NTRK3: variants seen among roughly 807,000 people sequenced by gnomAD.
The protein encoded by NTRK3 is NT-3 growth factor receptor.
Under a neutral mutation model 91.7 loss-of-function variants are expected in NTRK3, and 24 were observed. The observed-to-expected ratio is 0.26, with a 90% confidence interval of 0.19 to 0.37. The LOEUF is 0.37. Ranked by LOEUF, NTRK3 falls within the 10% of genes least tolerant of loss-of-function variation. NTRK3 has a pLI of 1.00. For missense variants in NTRK3, 880 were observed against 1,068.9 expected (o/e 0.82, Z 2.46); for synonymous variants, 483 against 404.0 (o/e 1.20, Z -2.34).
At chr15:88,043,755 G>A (rs775126090) in intron 13 of NTRK3, among the ~76,000 whole-genome samples, 1 of 152,148 alleles carries the variant, frequency 6.6e-6, no homozygotes, top group South Asian at 2.1e-4. Context: ...ATTAAAGTGA[G>A]GCACAATGAG....
chr15:88,043,508 A>C (rs1044594213), intron 13 of NTRK3, among the ~76,000 whole-genome samples: 6 of 152,220 alleles, frequency 3.9e-5, no homozygotes, highest in African/African-American at 1.4e-4. Context: ...GAGGTCATGC[A>C]GTGCCAGGGG....
intron 14 of NTRK3, among the ~76,000 whole-genome samples, chr15:87,962,745 C>T (rs1256327215): frequency 7.2e-5 from 11 of 152,136 alleles, no homozygotes; most frequent in South Asian, 2.1e-4. Flanking sequence ...CCAAGGACGC[C>T]GCCTGCTTAA....
chr15:88,224,398 C>T (rs930870744), intron 3 of NTRK3, among the ~76,000 whole-genome samples: 1 of 152,344 alleles, frequency 6.6e-6, no homozygotes, highest in East Asian at 1.9e-4. Flanking sequence ...AGACAAGTCC[C>T]ACACAGTCTG....
intron 13 of NTRK3, among the ~76,000 whole-genome samples, chr15:88,052,975 G>A (rs1363521540): frequency 6.6e-6 from 1 of 152,138 alleles, no homozygotes; most frequent in Admixed American, 6.5e-5. Context: ...TTGAGCCTTG[G>A]TTTCCTATCT....
At chr15:88,117,987 C>T (rs2052293420) in intron 13 of NTRK3, among the ~76,000 whole-genome samples, 1 of 152,236 alleles carries the variant, frequency 6.6e-6, no homozygotes, top group Non-Finnish European at 1.5e-5. Context: ...CTCTACTCCC[C>T]TGCCCAGCTT....
intron 13 of NTRK3, among the ~76,000 whole-genome samples, chr15:88,095,438 C>A (rs1399500475): frequency 3.9e-5 from 6 of 152,164 alleles, no homozygotes; most frequent in Non-Finnish European, 7.3e-5. Context: ...TGAACCATGG[C>A]TCACTTACAG....
Position 88,203,928 on chromosome 15 carries a change from C to T in NTRK3, c.249-19629G>A, listed in dbSNP as rs549783151. On this transcript the variant is annotated intron_variant, in intron 3 of 18. Coordinates refer to ENST00000394480, the Ensembl canonical transcript of NTRK3. ...GTGCAGAATGTGCAGGTTTGTTACACGGGTATACATATGCCATGGTGGTTT... is the reference window on the plus strand; with the variant it reads ...GTGCAGAATGTGCAGGTTTGTTACATGGGTATACATATGCCATGGTGGTTT... Among the ~76,000 whole-genome samples, 12 of 151,284 alleles carry T rather than the reference C, an allele frequency of 7.9e-5. No homozygotes were observed. The South Asian group carries it at 2.1e-3, about 26-fold the overall frequency.
intron 17 of NTRK3, among the ~76,000 whole-genome samples, chr15:87,922,846 C>T (rs2067988829): frequency 6.6e-6 from 1 of 152,002 alleles, no homozygotes; most frequent in Non-Finnish European, 1.5e-5. Context: ...ACTTACATTC[C>T]CTTTGATTTG....
At chr15:87,933,304 G>T in intron 15 of NTRK3, 120 bp from the exon 16 acceptor site, 2 of 939,874 alleles carry the variant, frequency 2.1e-6, no homozygotes, top group Non-Finnish European at 1.6e-6. Flanking sequence ...GAATCTAAAT[G>T]GAATTTAAAG....
intron 17 of NTRK3, chr15:87,926,948 A>C (rs2068362144): frequency 6.6e-6 from 1 of 152,280 alleles, no homozygotes; most frequent in Non-Finnish European, 1.5e-5. Context: ...AGGCAATTAA[A>C]TGATGCCAGC....
chr15:87,986,293 A>G (rs553966302), intron 14 of NTRK3, among the ~76,000 whole-genome samples: 22 of 152,346 alleles, frequency 1.4e-4, no homozygotes, highest in African/African-American at 5.1e-4. Flanking sequence ...AATATCAGAA[A>G]AGTGTAGAAA....
At chr15:87,873,611 T>G (rs1444128788) in exon 19 of NTRK3, 4 of 231,802 alleles carry the variant, frequency 1.7e-5, no homozygotes, top group Non-Finnish European at 2.6e-5. Context: ...AAGGTGGACT[T>G]TGGTATGGGA....
rs563107104 is a variant in NTRK3 at position 87,978,962 on chromosome 15, A to G, written c.1586-38209T>C. On this transcript the variant is annotated intron_variant, in intron 14 of 18. Coordinates refer to ENST00000394480, the Ensembl canonical transcript of NTRK3. Reference sequence around the variant, plus strand: ...TTCCAAGCAGGGAAAGTGAGGCTGGAGCACGGCTGGACTTCATCAGGCTTT... The same window carrying G: ...TTCCAAGCAGGGAAAGTGAGGCTGGGGCACGGCTGGACTTCATCAGGCTTT... 11 of 353,586 alleles carry G rather than the reference A, an allele frequency of 3.1e-5. No individual in the cohort carries two copies. The South Asian group carries it at 4.7e-4, about 15-fold the overall frequency. 21.9% of individuals were successfully genotyped at this position (353,586 alleles called of 1,614,324 possible).
chr15:87,971,783 A>G (rs1286725439), intron 14 of NTRK3, among the ~76,000 whole-genome samples: 1 of 152,236 alleles, frequency 6.6e-6, no homozygotes, highest in Non-Finnish European at 1.5e-5. Context: ...CAGGCTCTGT[A>G]GACCTGCCCC....
intron 14 of NTRK3, among the ~76,000 whole-genome samples, chr15:87,967,799 A>G (rs2072917503): frequency 6.6e-6 from 1 of 152,132 alleles, no homozygotes; most frequent in Non-Finnish European, 1.5e-5. Flanking sequence ...GCAACTGAAC[A>G]TGCATGGTTG....
chr15:87,968,539 G>A (rs944627664), intron 14 of NTRK3, among the ~76,000 whole-genome samples: 1 of 152,128 alleles, frequency 6.6e-6, no homozygotes, highest in Non-Finnish European at 1.5e-5. Context: ...AAAAAAACAG[G>A]TCTAGGAAAG....
intron 17 of NTRK3, among the ~76,000 whole-genome samples, chr15:87,896,325 G>T (rs2066120190): frequency 6.6e-6 from 1 of 152,034 alleles, no homozygotes; most frequent in African/African-American, 2.4e-5. Context: ...ACAAAAATTA[G>T]CTGGGCGTGG....
exon 19 of NTRK3, chr15:87,871,239 T>C (rs2064820971): frequency 4.3e-6 from 1 of 231,182 alleles, no homozygotes; most frequent in African/African-American, 2.2e-5. Context: ...ATAGATACTT[T>C]CATAGGAAAA....
intron 13 of NTRK3, among the ~76,000 whole-genome samples, chr15:88,073,872 T>G (rs1373431167): frequency 6.7e-6 from 1 of 148,854 alleles, no homozygotes; most frequent in Non-Finnish European, 1.5e-5. Flanking sequence ...GAAAAAAGCA[T>G]GTGTCTCCAA....
Sources: gnomAD v4.1 joint callset for allele counts (sites outside exome capture counted in the v4.1 genomes callset) on GRCh38, gnomAD v4.1.1 for gene constraint, MANE v1.5 for transcripts, NCBI Gene and HGNC (gene_info 2026-07-23, HGNC 2026-07-21) for gene names.